The following MAP4 variants were observed in gnomAD, a reference collection of about 807,000 sequenced individuals.
MAP4 encodes the protein microtubule associated protein 4, also known as microtubule-associated protein 4.
MAP4 carries 76 observed loss-of-function variants against 170.2 expected under a neutral mutation model. The observed-to-expected ratio is 0.45, with a 90% CI of 0.37 to 0.54. MAP4 has a LOEUF of 0.54. Ranked by LOEUF, MAP4 falls within the 20% of genes least tolerant of loss-of-function variation. MAP4 has a pLI of 0.00. For synonymous variants in MAP4, 909 were observed against 994.5 expected, an observed-to-expected ratio of 0.91 and a Z score of 1.62; for missense variants, 2,506 against 2,748.0, an observed-to-expected ratio of 0.91 and a Z score of 1.97.
intron 1 of MAP4, among the ~76,000 whole-genome samples, chr3:48,061,853 G>A (rs917321403): frequency 4.9e-5 from 5 of 103,088 alleles, no homozygotes; most frequent in Admixed American, 2.8e-4. Context: ...GGCAGCCCCC[G>A]CCCGGCCAGC....
intron 3 of MAP4, among the ~76,000 whole-genome samples, chr3:47,962,490 T>C (rs909102223): frequency 6.6e-6 from 1 of 152,206 alleles, no homozygotes; most frequent in Non-Finnish European, 1.5e-5. Context: ...TATTTCTTTG[T>C]GTACTCTGCC....
In MAP4 at chr3:47,892,217, A is replaced by C. The variant is rs192362480; in HGVS notation, c.5434+10733T>G. 1.6e-4 allele frequency: 251 copies of C among 1,536,344 alleles called. No homozygotes were observed. In the African/African-American group the frequency reaches 3.2e-3, roughly 19 times the overall value. The stretch of plus-strand genomic sequence containing the variant: ...GGCTTCTTGACAGTCCTTGTCCTGC[A>C]TTTCAATGCTCAGCTCTTTGTCTAG... On this transcript the variant is annotated intron_variant, in intron 10 of 20. Transcript: ENST00000683076.
intron 9 of MAP4, among the ~76,000 whole-genome samples, chr3:47,908,087 A>C (rs916855586): frequency 2.2e-4 from 33 of 152,124 alleles, no homozygotes; most frequent in Non-Finnish European, 4.4e-5. Flanking sequence ...ACATCATGCA[A>C]GCTGGGAAAC....
chr3:47,881,860 C>T (rs2096821954), intron 10 of MAP4, among the ~76,000 whole-genome samples: 1 of 152,088 alleles, frequency 6.6e-6, no homozygotes, highest in Non-Finnish European at 1.5e-5. Context: ...TCTGCCTCAG[C>T]CTCCTAAAGG....
At chr3:47,923,623 TA>T (rs540228735) in intron 4 of MAP4, among the ~76,000 whole-genome samples, 171 of 126,608 alleles carry the variant, frequency 1.4e-3, no homozygotes, top group Non-Finnish European at 1.3e-3. Flanking sequence ...GCTTTTTGTT[TA>T]AAAAAAAAAA....
At position 47,921,810 on chromosome 3, in the gene MAP4, T is replaced by C. The variant is rs1399558878; in HGVS notation, c.484A>G (p.Thr162Ala). 1.2e-6 allele frequency: 2 copies of C among 1,612,000 alleles called. No homozygotes were observed. The highest frequency in any genetic ancestry group is 1.7e-5 in the Admixed American group (1 of 60,016). ...TCATTTTGTCCTGCAAATATTGAAG[T>C]ATCAGCTGTCGCACTGGAGGGAAAG... ...LVFPSSATADTSIFAGQNDPL... is the reference protein window; with the variant it reads ...LVFPSSATADASIFAGQNDPL... Residue 162 changes from threonine (T) to alanine (A), a missense_variant, in exon 5 of 21, where the codon ACT (threonine) becomes GCT (alanine). Physicochemically the swap from Thr to Ala is moderately conservative, Grantham distance 58. Around this residue, in one of 3 missense-constraint regions of MAP4, gnomAD observed 2,008 missense variants for 2,206.0 expected, o/e 0.91. Transcript: ENST00000683076.
At chr3:47,915,423 C>T (rs2100038228) in intron 7 of MAP4, among the ~76,000 whole-genome samples, 8 of 151,798 alleles carry the variant, frequency 5.3e-5, no homozygotes, top group Admixed American at 6.6e-5. Flanking sequence ...GTCAATGTTT[C>T]GTTTTTTAAG....
intron 12 of MAP4, among the ~76,000 whole-genome samples, chr3:47,872,729 TCTA>T (rs1385958168): frequency 6.6e-6 from 1 of 152,150 alleles, no homozygotes; most frequent in Non-Finnish European, 1.5e-5. Context: ...TGCCTCCAAA[TCTA>T]CTGCTATATA....
chr3:47,943,682 C>A (rs1210671893), intron 3 of MAP4, among the ~76,000 whole-genome samples: 3 of 151,910 alleles, frequency 2.0e-5, no homozygotes, highest in African/African-American at 7.2e-5. Context: ...TTTGACATCC[C>A]TACAATGGTT....
intron 3 of MAP4, chr3:47,975,226 T>C (rs2100081268): frequency 7.8e-7 from 1 of 1,278,218 alleles, no homozygotes; most frequent in Admixed American, 3.5e-5. Context: ...GCACTTTGTG[T>C]TCACAAAGGG....
Position 48,080,838 on chromosome 3 carries a change from CA to C in MAP4, c.-20+7934del, listed in dbSNP as rs2100146263. On this transcript the variant is annotated intron_variant, in intron 1 of 18. Transcript: ENST00000360240. Reference sequence around the variant, plus strand: ...TACTAAAAAAATACAAAAAATTAGCCAGTTGGCCGGGCGCCCTGGCTCACGC... The same window carrying C: ...TACTAAAAAAATACAAAAAATTAGCCGTTGGCCGGGCGCCCTGGCTCACGC... 2.0e-5 allele frequency among the ~76,000 whole-genome samples: 3 copies of C among 151,990 alleles called. 1 individual carries two copies. In the South Asian group the frequency reaches 6.2e-4, roughly 32 times the overall value.
intron 9 of MAP4, among the ~76,000 whole-genome samples, chr3:47,906,893 T>A (rs1577382867): frequency 6.6e-6 from 1 of 151,322 alleles, no homozygotes; most frequent in South Asian, 2.1e-4. Context: ...TGGGGTGCAG[T>A]GGCGCGATCT....
intron 1 of MAP4, among the ~76,000 whole-genome samples, chr3:48,056,055 C>A (rs1355869006): frequency 6.7e-6 from 1 of 148,832 alleles, no homozygotes; most frequent in East Asian, 2.1e-4. Flanking sequence ...CAGCAGCCAC[C>A]CCATCTGGGA....
At chr3:47,994,087 A>G (rs1341982091) in intron 2 of MAP4, among the ~76,000 whole-genome samples, 1 of 152,182 alleles carries the variant, frequency 6.6e-6, no homozygotes, top group Non-Finnish European at 1.5e-5. Flanking sequence ...ACAAAAAATT[A>G]AAAACTTAAA....
intron 1 of MAP4, among the ~76,000 whole-genome samples, chr3:48,057,179 T>TGG (rs2100132570): frequency 6.7e-6 from 1 of 148,182 alleles, no homozygotes; most frequent in Non-Finnish European, 1.5e-5. Context: ...GCGGGAAAGG[T>TGG]GGGGAAAAGA....
At chr3:48,031,130 G>C (rs539369794) in intron 1 of MAP4, among the ~76,000 whole-genome samples, 27 of 152,256 alleles carry the variant, frequency 1.8e-4, no homozygotes, top group African/African-American at 6.0e-4. Context: ...TGATAAATCA[G>C]CTGGGTGCAA....
chr3:48,030,670 G>A (rs2100115574), intron 1 of MAP4, among the ~76,000 whole-genome samples: 1 of 151,486 alleles, frequency 6.6e-6, no homozygotes, highest in South Asian at 2.1e-4. Flanking sequence ...ATGATGGTGG[G>A]TGCCTGTAAT....
At chr3:48,013,820 T>C (rs1438804290) in intron 1 of MAP4, among the ~76,000 whole-genome samples, 1 of 151,812 alleles carries the variant, frequency 6.6e-6, no homozygotes, top group Non-Finnish European at 1.5e-5. Context: ...CTCCACCCAG[T>C]TCTGGCTAAC....
At chr3:47,994,382 A>G (rs1028007121) in intron 2 of MAP4, among the ~76,000 whole-genome samples, 1 of 152,220 alleles carries the variant, frequency 6.6e-6, no homozygotes, top group African/African-American at 2.4e-5. Context: ...GGTAGCAACT[A>G]GTCATGGTTG....
Sources: gnomAD v4.1 joint callset for allele counts (sites outside exome capture counted in the v4.1 genomes callset) on GRCh38, gnomAD v4.1.1 for gene constraint, gnomAD v4.1.1 regional missense constraint, MANE v1.5 for transcripts, NCBI Gene and HGNC (gene_info 2026-07-23, HGNC 2026-07-21) for gene names.